The following ASPRV1 variants were observed in gnomAD, a reference collection of about 807,000 sequenced individuals.
ASPRV1 encodes the protein aspartic peptidase retroviral like 1.
A neutral mutation model predicts 11.0 loss-of-function variants in ASPRV1; 7 were observed. The ratio of observed to expected loss-of-function variants is 0.64; its 90% confidence interval spans 0.36 to 1.20. The LOEUF (loss-of-function observed/expected upper bound fraction) is 1.20, where lower values mean the gene tolerates loss of function less well. ASPRV1 is among the 50% of genes most tolerant of loss of function. The pLI, the probability that ASPRV1 is intolerant of heterozygous loss-of-function variation, is 0.02. For missense variants in ASPRV1, 299 were observed against 320.0 expected (o/e 0.93, Z 0.50); for synonymous variants, 136 against 138.4 (o/e 0.98, Z 0.12).
the ASPRV1 span, among the ~76,000 whole-genome samples, chr2:70,012,898 A>G: frequency 6.6e-6 from 1 of 152,348 alleles, no homozygotes; most frequent in African/African-American, 2.4e-5. Context: ...CATTTTCTCA[A>G]AAATGAATTA....
the ASPRV1 span, among the ~76,000 whole-genome samples, chr2:70,021,952 C>T: frequency 6.6e-6 from 1 of 151,840 alleles, no homozygotes; most frequent in Non-Finnish European, 1.5e-5. Flanking sequence ...GATCCGCCCA[C>T]CTCAGCCTCT....
the ASPRV1 span, chr2:69,938,956 T>C: frequency 6.5e-6 from 1 of 152,736 alleles, no homozygotes; most frequent in South Asian, 2.1e-4. Flanking sequence ...AATTGTTTGT[T>C]CTCACAAACA....
At chr2:70,051,310 C>T in the ASPRV1 span, 1 of 152,158 alleles carries the variant, frequency 6.6e-6, no homozygotes, top group Non-Finnish European at 1.5e-5. Context: ...TCTCACCTGT[C>T]AGATGAGGAA....
chr2:70,079,998 T>C, the ASPRV1 span, among the ~76,000 whole-genome samples: 141 of 152,332 alleles, frequency 9.3e-4, no homozygotes, highest in African/African-American at 3.3e-3. Context: ...CCGTTAAGTC[T>C]TGCTTGTGCT....
chr2:70,038,156 G>GT, the ASPRV1 span, among the ~76,000 whole-genome samples: 95 of 152,344 alleles, frequency 6.2e-4, no homozygotes, highest in Non-Finnish European at 1.1e-3. Flanking sequence ...CAGATAAGCA[G>GT]TAAGTGCTAC....
chr2:69,997,610 G>A, the ASPRV1 span, among the ~76,000 whole-genome samples: 35 of 152,184 alleles, frequency 2.3e-4, no homozygotes, highest in African/African-American at 6.5e-4. Context: ...CCCCAGCTGC[G>A]TCCTCCTCCT....
chr2:70,085,953 A>G, the ASPRV1 span: 1 of 152,370 alleles, frequency 6.6e-6, no homozygotes, highest in South Asian at 2.1e-4. Flanking sequence ...AGAGGTTTCT[A>G]AATGCTTTGG....
the ASPRV1 span, among the ~76,000 whole-genome samples, chr2:70,047,305 G>A: frequency 6.6e-6 from 1 of 152,070 alleles, no homozygotes; most frequent in South Asian, 2.1e-4. Context: ...AAAGCCCAGG[G>A]GCATGCAAGA....
the ASPRV1 span, chr2:70,030,561 A>G: frequency 6.6e-6 from 1 of 152,124 alleles, no homozygotes; most frequent in Admixed American, 6.6e-5. Flanking sequence ...GTTTATCACA[A>G]AGACCTAATC....
the ASPRV1 span, among the ~76,000 whole-genome samples, chr2:70,062,905 C>G: frequency 6.6e-6 from 1 of 152,262 alleles, no homozygotes; most frequent in East Asian, 1.9e-4. Context: ...AAGGAGCAAG[C>G]AAAGACAGTT....
At chr2:70,019,200 A>G in the ASPRV1 span, 2 of 152,248 alleles carry the variant, frequency 1.3e-5, no homozygotes, top group Non-Finnish European at 2.9e-5. Context: ...AATGCAATTC[A>G]AAACAATGAC....
the ASPRV1 span, among the ~76,000 whole-genome samples, chr2:69,983,362 G>A: frequency 6.6e-6 from 1 of 152,356 alleles, no homozygotes; most frequent in Non-Finnish European, 1.5e-5. Context: ...AAAGGCAGAA[G>A]TAGGAAGAAG....
chr2:69,998,542 C>A, the ASPRV1 span, among the ~76,000 whole-genome samples: 2 of 151,752 alleles, frequency 1.3e-5, no homozygotes, highest in African/African-American at 2.4e-5. Context: ...ATCGAGACCA[C>A]GGTGAAACCC....
At chr2:69,966,272 G>A (rs891551602), upstream of ASPRV1, among the ~76,000 whole-genome samples, 5 of 152,212 alleles carry the variant, frequency 3.3e-5, no homozygotes, top group Admixed American at 3.3e-4. Context: ...TTACTAAGAT[G>A]TCCTGAAGGC....
chr2:69,978,709 AAC>A, the ASPRV1 span, among the ~76,000 whole-genome samples: 1 of 152,142 alleles, frequency 6.6e-6, no homozygotes, highest in East Asian at 1.9e-4. Flanking sequence ...AAAGGCCCCG[AAC>A]ACCGGAAGCA....
the ASPRV1 span, among the ~76,000 whole-genome samples, chr2:70,053,567 C>A: frequency 6.6e-6 from 1 of 152,146 alleles, no homozygotes; most frequent in African/African-American, 2.4e-5. Context: ...ATTTAAGACG[C>A]CTAAAGCACA....
the ASPRV1 span, among the ~76,000 whole-genome samples, chr2:69,988,071 G>C: frequency 4.5e-4 from 68 of 152,368 alleles, no homozygotes; most frequent in Admixed American, 3.8e-3. Context: ...GGTATGTAAA[G>C]TAGTATACAG....
At chr2:70,029,895 A>C in the ASPRV1 span, 1 of 152,198 alleles carries the variant, frequency 6.6e-6, no homozygotes, top group African/African-American at 2.4e-5. Flanking sequence ...TGTCTTATCC[A>C]GTCACATGAT....
chr2:69,989,576 C>T, the ASPRV1 span, among the ~76,000 whole-genome samples: 1 of 152,226 alleles, frequency 6.6e-6, no homozygotes, highest in Non-Finnish European at 1.5e-5. Flanking sequence ...TGGCCAGTCC[C>T]GGCGCTCATT....
Sources: gnomAD v4.1 joint callset for allele counts (sites outside exome capture counted in the v4.1 genomes callset) on GRCh38, gnomAD v4.1.1 for gene constraint, MANE v1.5 for transcripts, NCBI Gene and HGNC (gene_info 2026-07-23, HGNC 2026-07-21) for gene names.